Variants in SH3BP1 observed in about 807,000 individuals in gnomAD.
The protein encoded by SH3BP1 is SH3 domain binding protein 1, also known as SH3 domain-binding protein 1.
In SH3BP1, 46 loss-of-function variants were observed where a neutral mutation model predicts 69.8. The ratio of observed to expected loss-of-function variants is 0.66; its 90% CI spans 0.52 to 0.84. The LOEUF is 0.84. Among genes scored for constraint, SH3BP1 ranks in the 40% least tolerant of loss-of-function variants. The pLI, the probability that SH3BP1 is intolerant of heterozygous loss-of-function variation, is 0.00. For synonymous variants in SH3BP1, 403 were observed against 378.0 expected (o/e 1.07, Z -0.77); for missense variants, 868 against 930.9 (o/e 0.93, Z 0.88).
At chr22:37,640,148 C>T (rs1932530537) in intron 1 of SH3BP1, among the ~76,000 whole-genome samples, 1 of 152,184 alleles carries the variant, frequency 6.6e-6, no homozygotes, top group Non-Finnish European at 1.5e-5. Context: ...CCACGAGTCT[C>T]TAAGTGGATG....
chr22:37,639,924 G>A, intron 1 of SH3BP1, 78 bp downstream of exon 1: 1 of 1,102,228 alleles, frequency 9.1e-7, no homozygotes, highest in Non-Finnish European at 1.3e-6. Flanking sequence ...GGGAGACGGG[G>A]GTGGGGGAGG....
At position 37,641,121 on chromosome 22, in the gene SH3BP1, C is replaced by T. The variant is rs1404984888; in HGVS notation, c.60-5C>T. The T allele has an allele frequency of 7.8e-6, 12 of 1,532,526 alleles. No individual in the cohort carries two copies. The highest frequency in any genetic ancestry group is 3.6e-5 in the South Asian group (3 of 83,162). 94.9% of individuals were successfully genotyped at this position (1,532,526 alleles called of 1,614,324 possible). A position where few individuals can be genotyped will look rare whatever the true frequency, so the allele number is the denominator to read the frequency against. On this transcript the variant is annotated splice_polypyrimidine_tract_variant and splice_region_variant and intron_variant, in intron 1 of 17. Coordinates refer to ENST00000649765, the MANE Select transcript of SH3BP1 (RefSeq NM_018957.6). Reference sequence around the variant, plus strand: ...TCTCCCCCCCCCCCCCACCACTCCCCGCAGCACCCCGGAGACCGCTGAGTT... The same window carrying T: ...TCTCCCCCCCCCCCCCACCACTCCCTGCAGCACCCCGGAGACCGCTGAGTT...
chr22:37,653,754 C>A (rs1487794961), intron 16 of SH3BP1, 25 bp from the exon 17 acceptor site: 7 of 1,563,366 alleles, frequency 4.5e-6, no homozygotes, highest in Non-Finnish European at 6.2e-6. Flanking sequence ...GCTAAGTCTG[C>A]CCCATCCTCT....
At chr22:37,648,291 C>T in intron 13 of SH3BP1, 28 bp from the exon 14 acceptor site, 1 of 1,518,420 alleles carries the variant, frequency 6.6e-7, no homozygotes, top group Non-Finnish European at 9.0e-7. Context: ...GCGTTCTGCC[C>T]CTGGCCTAAG....
rs1215538506 is a variant in SH3BP1, at chr22:37,642,436, C to A, written c.208-103C>A. The A allele has an allele frequency of 2.7e-6, 3 of 1,106,588 alleles. No individual in the cohort carries two copies. In the East Asian group the frequency reaches 7.4e-5, roughly 27 times the overall value. 68.5% of individuals were successfully genotyped at this position (1,106,588 alleles called of 1,614,324 possible). A position where few individuals can be genotyped will look rare whatever the true frequency, so the allele number is the denominator to read the frequency against. On this transcript the variant is annotated intron_variant, in intron 3 of 17. Transcript: ENST00000649765. ...TTTCCACTCTCATCTGGGACTGTGGCCCTCCTGGGTTCCCTCCTCCCCTGC... is the reference window on the plus strand; with the variant it reads ...TTTCCACTCTCATCTGGGACTGTGGACCTCCTGGGTTCCCTCCTCCCCTGC...
At position 37,646,940 on chromosome 22, in the gene SH3BP1, C is replaced by T. The variant is rs376967314; in HGVS notation, c.1036+11C>T. 1.0e-4 allele frequency: 157 copies of T among 1,506,642 alleles called. No homozygotes were observed. The highest frequency in any genetic ancestry group is 5.2e-4 in the Middle Eastern group (3 of 5,778). The allele number at this position is 1,506,642 out of a possible 1,614,324, so 93.3% of individuals were successfully genotyped here. A position where few individuals can be genotyped will look rare whatever the true frequency, so the allele number is the denominator to read the frequency against. On this transcript the variant is annotated intron_variant, in intron 11 of 17. Transcript: ENST00000649765. ...CGCACGCTGTGGCAGGTGCCTGATC[C>T]GGGGAGCCCTGGGCAGGAGGTTGGG...
intron 12 of SH3BP1, 29 bp downstream of exon 12, chr22:37,647,377 G>C: frequency 6.2e-7 from 1 of 1,612,686 alleles, no homozygotes; most frequent in Non-Finnish European, 8.5e-7. Context: ...GGAGGGGATG[G>C]GGAGGAGGAG....
intron 8 of SH3BP1, 31 bp from the exon 9 acceptor site, chr22:37,644,839 T>A: frequency 6.2e-7 from 1 of 1,612,484 alleles, no homozygotes; most frequent in Non-Finnish European, 8.5e-7. Flanking sequence ...CTTCCCCCAC[T>A]TCCGCTCAGG....
intron 3 of SH3BP1, chr22:37,642,073 A>G: frequency 5.5e-6 from 1 of 183,464 alleles, no homozygotes; most frequent in Non-Finnish European, 1.2e-5. Flanking sequence ...ATGGGGTGGG[A>G]GTGTGGGGCC....
In SH3BP1 at chr22:37,653,005, C is replaced by T. The variant is rs891138626; in HGVS notation, c.1599-774C>T. Among the ~76,000 whole-genome samples, 4 of 151,286 alleles carry T rather than the reference C, an allele frequency of 2.6e-5. No individual in the cohort carries two copies. The South Asian group carries it at 6.3e-4, about 24-fold the overall frequency. On this transcript the variant is annotated intron_variant, in intron 16 of 17. Transcript: ENST00000649765. ...GCAAAAAATTAGCAGGGCATGGTGG[C>T]GCACGCCTGTAATCTCAGCTACTCA... is the stretch of plus-strand genomic sequence containing the variant.
chr22:37,646,536 G>A (rs929084852), intron 10 of SH3BP1, among the ~76,000 whole-genome samples: 2 of 151,996 alleles, frequency 1.3e-5, no homozygotes, highest in East Asian at 1.9e-4. Context: ...GATTACAGGC[G>A]TGAGCCACTG....
intron 1 of SH3BP1, chr22:37,640,309 C>G (rs1208437611): frequency 1.3e-5 from 2 of 154,898 alleles, no homozygotes; most frequent in African/African-American, 4.8e-5. Flanking sequence ...GGGGCCTGCC[C>G]CTGGCCTGCA....
intron 10 of SH3BP1, 68 bp from the exon 11 acceptor site, chr22:37,646,750 C>CA (rs1186956950): frequency 2.0e-6 from 2 of 982,956 alleles, no homozygotes; most frequent in Admixed American, 6.0e-5. Flanking sequence ...CCCCAGGCTA[C>CA]AAGTGCGCCA....
At chr22:37,640,658 G>C (rs1239097217) in intron 1 of SH3BP1, 1 of 177,506 alleles carries the variant, frequency 5.6e-6, no homozygotes, top group East Asian at 1.8e-4. Flanking sequence ...GTGTCCCCAG[G>C]TGGGGGCCAA....
chr22:37,653,937 C>T (rs1250540636), intron 17 of SH3BP1, 64 bp downstream of exon 17: 2 of 1,174,870 alleles, frequency 1.7e-6, no homozygotes, highest in Non-Finnish European at 2.5e-6. Flanking sequence ...ACAGGCAGTC[C>T]CAGGTCCTCC....
At chr22:37,651,813 C>G (rs890147745) in intron 16 of SH3BP1, among the ~76,000 whole-genome samples, 61 of 151,904 alleles carry the variant, frequency 4.0e-4, no homozygotes, top group African/African-American at 1.4e-3. Context: ...TCAAGCACAG[C>G]CACCAGTGCG....
intron 10 of SH3BP1, among the ~76,000 whole-genome samples, chr22:37,646,361 C>T (rs905098245): frequency 2.0e-5 from 3 of 151,650 alleles, no homozygotes; most frequent in Admixed American, 6.6e-5. Context: ...CTGGTTCAAG[C>T]GATTGTGTCT....
At chr22:37,653,198 G>A (rs1203185533) in intron 16 of SH3BP1, among the ~76,000 whole-genome samples, 1 of 151,998 alleles carries the variant, frequency 6.6e-6, no homozygotes, top group Admixed American at 6.6e-5. Context: ...ACTTTGGGAG[G>A]CCGAGGTGGG....
intron 9 of SH3BP1, 170 bp from the exon 10 acceptor site, chr22:37,645,195 C>G: frequency 1.0e-6 from 1 of 983,832 alleles, no homozygotes. Flanking sequence ...TGGACTAGGA[C>G]AGAGGCAGTG....
Sources: gnomAD v4.1 joint callset for allele counts (sites outside exome capture counted in the v4.1 genomes callset) on GRCh38, gnomAD v4.1.1 for gene constraint, MANE v1.5 for transcripts, NCBI Gene and HGNC (gene_info 2026-07-23, HGNC 2026-07-21) for gene names.